The following MOK variants were observed in gnomAD, a reference collection of about 807,000 sequenced individuals.
The protein encoded by MOK is MAPK/MAK/MRK overlapping kinase.
A neutral mutation model predicts 54.2 loss-of-function variants in MOK; 59 were observed. The observed-to-expected ratio is 1.09, with a 90% CI of 0.88 to 1.35. The LOEUF (loss-of-function observed/expected upper bound fraction) is 1.35. MOK is among the 40% of genes most tolerant of loss of function. MOK has a pLI of 0.00. For missense variants in MOK, 517 were observed against 526.2 expected, an observed-to-expected ratio of 0.98 and a Z score of 0.17; for synonymous variants, 210 against 202.7, an observed-to-expected ratio of 1.04 and a Z score of -0.31.
intron 1 of MOK, among the ~76,000 whole-genome samples, chr14:102,304,143 C>T (rs1247813804): frequency 1.3e-5 from 2 of 152,194 alleles, no homozygotes; most frequent in Non-Finnish European, 2.9e-5. Flanking sequence ...GCAATGTACA[C>T]CATTGACAAT....
rs1353917144 is a variant in MOK at position 102,232,454 on chromosome 14, A to C, written c.866+81T>G. 1.3e-6 allele frequency: 2 copies of C among 1,490,052 alleles called. No individual in the cohort carries two copies. Among genetic ancestry groups the C allele is most frequent in the Admixed American group, 1.9e-5 (1 of 51,890 alleles). The allele number at this position is 1,490,052 out of a possible 1,614,324, so 92.3% of individuals were successfully genotyped here. On this transcript the variant is annotated intron_variant, in intron 9 of 11. Coordinates refer to ENST00000361847, the MANE Select transcript of MOK (RefSeq NM_014226.3). This position sits in a 1 kb window ranked among gnomAD's most constrained non-coding sequence, Gnocchi z 5.1. ...AAGAACCAGGGACCCTCCAGGGGGC[A>C]GTACCTTGCCCCACCATGTGCCCAT...
intron 1 of MOK, among the ~76,000 whole-genome samples, chr14:102,294,207 G>A (rs1013871279): frequency 1.2e-4 from 18 of 151,450 alleles, no homozygotes; most frequent in Admixed American, 6.6e-5. Context: ...AGCACTTTGG[G>A]AGGCCAAGGC....
At chr14:102,264,836 C>T (rs780018384) in intron 3 of MOK, among the ~76,000 whole-genome samples, 6 of 152,228 alleles carry the variant, frequency 3.9e-5, no homozygotes, top group Non-Finnish European at 8.8e-5. Context: ...CAGGCTCCCT[C>T]CGGAGCCACA....
At chr14:102,254,283 T>C (rs1597381100) in intron 4 of MOK, among the ~76,000 whole-genome samples, 1 of 152,334 alleles carries the variant, frequency 6.6e-6, no homozygotes, top group African/African-American at 2.4e-5. Flanking sequence ...CCACTGCGCC[T>C]GGCCGCAATT....
chr14:102,239,003 T>G (rs931593735), intron 7 of MOK, among the ~76,000 whole-genome samples: 1 of 152,104 alleles, frequency 6.6e-6, no homozygotes, highest in African/African-American at 2.4e-5. Flanking sequence ...CTTCTCTGGG[T>G]GGGTGGAGGC....
chr14:102,226,247 T>C (rs1236508589), downstream of MOK: 2 of 665,036 alleles, frequency 3.0e-6, no homozygotes, highest in Non-Finnish European at 2.7e-6. The surrounding 1 kb of genome is among the most constrained non-coding windows in gnomAD (Gnocchi z 4.8). Flanking sequence ...GTGTCTTCTT[T>C]AAGGTCAGGA....
chr14:102,294,277 T>C (rs1446805600), intron 1 of MOK, among the ~76,000 whole-genome samples: 3 of 152,068 alleles, frequency 2.0e-5, no homozygotes, highest in East Asian at 3.9e-4. Context: ...AAACCCCGTC[T>C]CTACTAAAAA....
At chr14:102,220,727 A>G (rs2153066899), downstream of MOK, among the ~76,000 whole-genome samples, 1 of 152,110 alleles carries the variant, frequency 6.6e-6, no homozygotes, top group Middle Eastern at 3.4e-3. The surrounding 1 kb of genome is among the most constrained non-coding windows in gnomAD (Gnocchi z 4.2). Context: ...CTCAAAAAAA[A>G]AAAAAAAAAA....
intron 4 of MOK, chr14:102,260,550 T>C (rs995716921): frequency 8.5e-5 from 13 of 152,140 alleles, no homozygotes; most frequent in African/African-American, 3.1e-4. Flanking sequence ...GATGCATATT[T>C]CAATATTTAC....
intron 7 of MOK, among the ~76,000 whole-genome samples, chr14:102,244,653 T>C (rs1434292299): frequency 6.6e-6 from 1 of 152,178 alleles, no homozygotes; most frequent in East Asian, 1.9e-4. Context: ...AAAATACGTC[T>C]CGGTCTAGAT....
At chr14:102,272,094 C>T (rs907557175) in intron 2 of MOK, among the ~76,000 whole-genome samples, 5 of 152,158 alleles carry the variant, frequency 3.3e-5, no homozygotes, top group African/African-American at 1.2e-4. Flanking sequence ...TGGCCTCAAA[C>T]TCCTGGGCTT....
At chr14:102,252,888 A>G (rs1044965620) in intron 4 of MOK, among the ~76,000 whole-genome samples, 1 of 152,260 alleles carries the variant, frequency 6.6e-6, no homozygotes, top group African/African-American at 2.4e-5. Flanking sequence ...GAAATATGAC[A>G]TAGGAGAGGT....
At chr14:102,258,736 G>A (rs1405069612) in intron 4 of MOK, among the ~76,000 whole-genome samples, 3 of 152,170 alleles carry the variant, frequency 2.0e-5, no homozygotes, top group African/African-American at 7.2e-5. Context: ...TTTCTCTTAT[G>A]ATATCACTTT....
Position 102,265,845 on chromosome 14 carries a change from G to T in MOK, c.190C>A (p.Leu64Ile). ...TACAAAACCACTTCATGCAACATAA[G>T]AATGTTTGGGTGCGGATTCAGGCGC... ...LRRLNPHPNILMLHEVVFDRK... is the reference protein window; with the variant it reads ...LRRLNPHPNIIMLHEVVFDRK... The change falls in exon 3 of 12, where the codon CTT (leucine) becomes ATT (isoleucine). Residue 64 changes from leucine to isoleucine, a missense_variant. By Grantham distance (5) the Leu-to-Ile change is conservative. Coordinates refer to ENST00000361847, the MANE Select transcript of MOK (RefSeq NM_014226.3). 6.2e-7 allele frequency: 1 copy of T among 1,613,936 alleles called. No individual in the cohort carries two copies. The highest frequency in any genetic ancestry group is 8.5e-7 in the Non-Finnish European group (1 of 1,179,854).
rs1266421056 is a variant in MOK, at chr14:102,265,758, T to G, written c.212+65A>C. On this transcript the variant is annotated intron_variant, in intron 3 of 11. Coordinates refer to ENST00000361847, the MANE Select transcript of MOK (RefSeq NM_014226.3). ...ATATTCAAAATGTCTACCATGGTTT[T>G]CTTTCTTAAAAAGAGATTATTTTCA... 3.7e-6 allele frequency: 5 copies of G among 1,346,512 alleles called. No homozygotes were observed. The African/African-American group carries it at 7.3e-5, about 20-fold the overall frequency. The allele number at this position is 1,346,512 out of a possible 1,614,324, so 83.4% of individuals were successfully genotyped here.
At chr14:102,304,805 CG>C (rs1038585466) in intron 1 of MOK, among the ~76,000 whole-genome samples, 156 bp downstream of exon 1, 25 of 152,204 alleles carry the variant, frequency 1.6e-4, no homozygotes, top group African/African-American at 6.0e-4. Flanking sequence ...GAGGGGGATT[CG>C]GGGCCCACAT....
chr14:102,243,980 G>A (rs924512650), intron 7 of MOK, among the ~76,000 whole-genome samples: 6 of 151,840 alleles, frequency 4.0e-5, no homozygotes, highest in Non-Finnish European at 7.4e-5. Flanking sequence ...AAGGAACTAC[G>A]CATCAATATT....
chr14:102,231,394 C>G lies in MOK; in HGVS notation c.981+313G>C. ...GTCTGCACGGTGCTTTGGCATAGAA[C>G]CTGGCACCTGCATATGGTCATCAGG... On this transcript the variant is annotated intron_variant, in intron 10 of 11. Transcript: ENST00000361847. This position sits in a 1 kb window ranked among gnomAD's most constrained non-coding sequence, Gnocchi z 4.4. 4.1e-6 allele frequency: 1 copy of G among 244,996 alleles called. No individual in the cohort carries two copies. Among genetic ancestry groups the G allele is most frequent in the Non-Finnish European group, 7.9e-6 (1 of 127,214 alleles). The allele number at this position is 244,996 out of a possible 1,614,324, so 15.2% of individuals were successfully genotyped here. A position where few individuals can be genotyped will look rare whatever the true frequency, so the allele number is the denominator to read the frequency against.
At chr14:102,261,278 G>A (rs771318178) in intron 4 of MOK, among the ~76,000 whole-genome samples, 8 of 120,766 alleles carry the variant, frequency 6.6e-5, no homozygotes, top group Non-Finnish European at 1.2e-4. Flanking sequence ...AATTAGCCAA[G>A]TGTGGTAGCA....
Sources: gnomAD v4.1 joint callset for allele counts (sites outside exome capture counted in the v4.1 genomes callset) on GRCh38, gnomAD v4.1.1 for gene constraint, Gnocchi (gnomAD v3.1) non-coding constraint, MANE v1.5 for transcripts, NCBI Gene and HGNC (gene_info 2026-07-23, HGNC 2026-07-21) for gene names.